MAP4: variants seen among roughly 807,000 people sequenced by gnomAD.
MAP4 encodes microtubule-associated protein 4.
MAP4 carries 76 observed loss-of-function variants against 170.2 expected under a neutral mutation model. The observed-to-expected ratio is 0.45, with a 90% CI of 0.37 to 0.54. The LOEUF is 0.54. MAP4 is among the 20% of genes least tolerant of loss of function. MAP4 has a pLI of 0.00. For missense variants in MAP4, 2,506 were observed against 2,748.0 expected, an observed-to-expected ratio of 0.91 and a Z score of 1.97; for synonymous variants, 909 against 994.5, an observed-to-expected ratio of 0.91 and a Z score of 1.62.
chr3:48,047,225 C>T (rs1195287434), intron 1 of MAP4, among the ~76,000 whole-genome samples: 1 of 152,046 alleles, frequency 6.6e-6, no homozygotes, highest in African/African-American at 2.4e-5. Context: ...TTATCATCAT[C>T]GTCTGTAGAG....
At position 47,911,525 on chromosome 3, in the gene MAP4, C is replaced by T; in HGVS notation, c.2896G>A (p.Ala966Thr). The change falls in exon 9 of 21, where the codon GCA (alanine) becomes ACA (threonine). Residue 966 changes from alanine to threonine, a missense_variant. This residue lies in a region of MAP4 where 2,008 missense variants were observed against 2,206.0 expected (regional missense o/e 0.91). Transcript: ENST00000683076. This position sits in a 1 kb window ranked among gnomAD's most constrained non-coding sequence, Gnocchi z 4.0. ...VMGVVSKPTA[A>T]KEIPNLVPTL... ...GGTACCAAATTTGGTATTTCTTTTG[C>T]TGCTGTGGGTTTTGAAACTACACCC... The T allele has an allele frequency of 6.5e-7, 1 of 1,535,882 alleles. No homozygotes were observed. Among genetic ancestry groups the T allele is most frequent in the South Asian group, 1.2e-5 (1 of 84,048 alleles).
chr3:47,973,135 T>C (rs1346170054), intron 3 of MAP4: 2 of 983,070 alleles, frequency 2.0e-6, no homozygotes, highest in East Asian at 1.1e-4. Flanking sequence ...GTAATCACAT[T>C]AGAAGTCCCA....
chr3:47,907,396 C>T (rs2153459015), intron 9 of MAP4, among the ~76,000 whole-genome samples: 1 of 152,118 alleles, frequency 6.6e-6, no homozygotes, highest in South Asian at 2.1e-4. Flanking sequence ...AATGTATTAA[C>T]CTATTCGACA....
chr3:48,087,342 G>A (rs768469065), intron 1 of MAP4, among the ~76,000 whole-genome samples: 2 of 152,134 alleles, frequency 1.3e-5, no homozygotes, highest in African/African-American at 2.4e-5. Flanking sequence ...TTGTAATAGA[G>A]CATGACAACT....
intron 1 of MAP4, among the ~76,000 whole-genome samples, chr3:48,078,107 C>T (rs1253157444): frequency 6.6e-6 from 1 of 152,078 alleles, no homozygotes; most frequent in Non-Finnish European, 1.5e-5. Flanking sequence ...GTGGTAGTTG[C>T]ACAACATTGT....
intron 1 of MAP4, among the ~76,000 whole-genome samples, chr3:48,025,711 C>T (rs896046123): frequency 1.3e-5 from 2 of 151,488 alleles, no homozygotes; most frequent in African/African-American, 4.8e-5. Flanking sequence ...CCAGCCTGGC[C>T]GACGTGGTAA....
intron 2 of MAP4, chr3:47,987,467 T>C (rs1199057258): frequency 7.1e-7 from 1 of 1,405,234 alleles, no homozygotes; most frequent in Non-Finnish European, 9.5e-7. Flanking sequence ...TCAGGGAATG[T>C]TCTGGAAAGT....
intron 10 of MAP4, chr3:47,877,861 T>C (rs2095840243): frequency 6.1e-6 from 1 of 163,372 alleles, no homozygotes; most frequent in Non-Finnish European, 1.3e-5. Flanking sequence ...CTCCAAGCAA[T>C]AGGACAAAAA....
intron 8 of MAP4, among the ~76,000 whole-genome samples, chr3:47,914,179 T>A (rs2100037371): frequency 6.6e-6 from 1 of 152,178 alleles, no homozygotes; most frequent in African/African-American, 2.4e-5. Flanking sequence ...ATAGGCAAGT[T>A]ATGTAACTTG....
At chr3:47,948,912 C>T (rs1465471503) in intron 3 of MAP4, among the ~76,000 whole-genome samples, 6 of 152,148 alleles carry the variant, frequency 3.9e-5, no homozygotes, top group African/African-American at 1.2e-4. Flanking sequence ...TGAGCCACTG[C>T]GCCCGGCCGA....
At chr3:47,963,863 C>T (rs936817601) in intron 3 of MAP4, among the ~76,000 whole-genome samples, 3 of 151,802 alleles carry the variant, frequency 2.0e-5, no homozygotes, top group East Asian at 1.9e-4. Flanking sequence ...AACAGTGGGA[C>T]GAAAAAATAG....
At chr3:48,077,942 T>C (rs2100144766) in intron 1 of MAP4, among the ~76,000 whole-genome samples, 1 of 152,052 alleles carries the variant, frequency 6.6e-6, no homozygotes, top group South Asian at 2.1e-4. Context: ...GAAAGGCCAT[T>C]TATTGTATGA....
At chr3:47,925,270 G>A (rs1371429045) in intron 4 of MAP4, among the ~76,000 whole-genome samples, 3 of 152,312 alleles carry the variant, frequency 2.0e-5, no homozygotes, top group East Asian at 3.9e-4. Context: ...CATCTTGGCA[G>A]TTGACTACCA....
intron 1 of MAP4, among the ~76,000 whole-genome samples, chr3:48,005,800 G>A (rs2100101995): frequency 6.6e-6 from 1 of 152,192 alleles, no homozygotes; most frequent in Non-Finnish European, 1.5e-5. Context: ...TCTTTGAAGA[G>A]CCCTGTAATT....
intron 10 of MAP4, among the ~76,000 whole-genome samples, chr3:47,894,866 G>C (rs2100025944): frequency 6.6e-6 from 1 of 151,736 alleles, no homozygotes; most frequent in African/African-American, 2.4e-5. Flanking sequence ...TCTCTACAAA[G>C]AGTACAAAAA....
intron 17 of MAP4, among the ~76,000 whole-genome samples, chr3:47,858,126 G>C (rs1056026085): frequency 2.0e-5 from 3 of 149,852 alleles, no homozygotes; most frequent in Non-Finnish European, 4.4e-5. Context: ...TGATTCTTCT[G>C]CCTCAGCCTC....
chr3:47,987,695 C>A (rs1008375012), intron 2 of MAP4, among the ~76,000 whole-genome samples: 3 of 152,172 alleles, frequency 2.0e-5, no homozygotes, highest in Admixed American at 1.3e-4. Flanking sequence ...TGTAGCTTTC[C>A]CCATCTCAGA....
chr3:47,994,124 T>C (rs1162516341), intron 2 of MAP4, among the ~76,000 whole-genome samples: 1 of 152,150 alleles, frequency 6.6e-6, no homozygotes, highest in Non-Finnish European at 1.5e-5. Context: ...AGGGCATCCA[T>C]TTTTCTTCAT....
At chr3:48,033,997 C>T (rs1411040989) in intron 1 of MAP4, among the ~76,000 whole-genome samples, 1 of 152,168 alleles carries the variant, frequency 6.6e-6, no homozygotes, top group African/African-American at 2.4e-5. Context: ...ATGGCCTATG[C>T]CCTCATATCA....
Sources: allele counts gnomAD v4.1 joint callset (sites outside exome capture counted in the v4.1 genomes callset), GRCh38; gene constraint gnomAD v4.1.1; regional missense constraint gnomAD v4.1.1; non-coding constraint Gnocchi (gnomAD v3.1); transcripts MANE v1.5; gene names NCBI Gene and HGNC (gene_info 2026-07-23, HGNC 2026-07-21).